OPTC: variants seen among roughly 807,000 people sequenced by gnomAD.
OPTC encodes opticin.
In OPTC, 22 loss-of-function variants were observed where a neutral mutation model predicts 25.4. The observed-to-expected ratio is 0.87, with a 90% CI of 0.62 to 1.24. The LOEUF is 1.24. Among genes scored for constraint, OPTC ranks in the 50% most tolerant of loss-of-function variants. OPTC has a pLI of 0.00. For synonymous variants in OPTC, 169 were observed against 179.3 expected, an observed-to-expected ratio of 0.94 and a Z score of 0.46; for missense variants, 417 against 425.2, an observed-to-expected ratio of 0.98 and a Z score of 0.17.
intron 7 of OPTC, among the ~76,000 whole-genome samples, chr1:203,506,704 A>G (rs1661495597): frequency 6.6e-6 from 1 of 152,194 alleles, no homozygotes; most frequent in Non-Finnish European, 1.5e-5. Flanking sequence ...AACCCTAGTG[A>G]GTAGGGATGC....
rs534112272 is a variant in OPTC, at chr1:203,496,196, A to T, written c.191A>T (p.Asn64Ile). ...TATGGTGAAGTCATTGACCTGAGCAACTATGAGGAGCTCACAGATTATGGG... is the reference window on the plus strand; with the variant it reads ...TATGGTGAAGTCATTGACCTGAGCATCTATGAGGAGCTCACAGATTATGGG... ...DNYGEVIDLSNYEELTDYGDQ... is the reference protein window; with the variant it reads ...DNYGEVIDLSIYEELTDYGDQ... Residue 64 changes from asparagine (N) to isoleucine (I), a missense_variant, in exon 2 of 8, where the codon AAC becomes ATC. Coordinates refer to ENST00000367222, the MANE Select transcript of OPTC (RefSeq NM_014359.4). The T allele has an allele frequency of 1.9e-6, 3 of 1,614,086 alleles. No individual in the cohort carries two copies. Among genetic ancestry groups the T allele is most frequent in the Non-Finnish European group, 2.5e-6 (3 of 1,179,948 alleles).
At chr1:203,505,366 C>T (rs1445494014) in intron 7 of OPTC, among the ~76,000 whole-genome samples, 2 of 152,194 alleles carry the variant, frequency 1.3e-5, no homozygotes, top group African/African-American at 4.8e-5. Flanking sequence ...TCCAGAAGAT[C>T]TTGCACAACT....
intron 7 of OPTC, among the ~76,000 whole-genome samples, chr1:203,505,598 T>A (rs1333870023): frequency 1.3e-5 from 2 of 152,184 alleles, no homozygotes; most frequent in Admixed American, 1.3e-4. Context: ...ATTCACATTC[T>A]TCAGATGGAG....
intron 5 of OPTC, among the ~76,000 whole-genome samples, chr1:203,501,822 G>C (rs1394752301): frequency 1.3e-5 from 2 of 152,044 alleles, no homozygotes; most frequent in Non-Finnish European, 2.9e-5. Context: ...CGTGACCCCG[G>C]GCCTCAGTTT....
chr1:203,499,571 G>A lies in OPTC; in HGVS notation c.530-78G>A, dbSNP rs567012734. On this transcript the variant is annotated intron_variant, in intron 4 of 7. Transcript: ENST00000367222. The stretch of plus-strand genomic sequence containing the variant: ...CATCTTGAGAGGGATGGAGCAAGGT[G>A]TGGAGACAGCTCCAACCTGGACAAG... 8.4e-5 allele frequency: 101 copies of A among 1,203,398 alleles called. No homozygotes were observed. The African/African-American group carries it at 1.4e-3, about 17-fold the overall frequency. 74.5% of individuals were successfully genotyped at this position (1,203,398 alleles called of 1,614,324 possible).
chr1:203,500,354 C>T (rs1275264386), intron 5 of OPTC, among the ~76,000 whole-genome samples: 2 of 116,888 alleles, frequency 1.7e-5, no homozygotes, highest in African/African-American at 6.9e-5. Flanking sequence ...CACCACCCAC[C>T]TCCACCTCTG....
chr1:203,500,491 G>GCAC (rs1571599099), intron 5 of OPTC, among the ~76,000 whole-genome samples: 1 of 137,504 alleles, frequency 7.3e-6, no homozygotes, highest in African/African-American at 3.0e-5. Context: ...CTACCCACCT[G>GCAC]TACCACCCAC....
intron 5 of OPTC, among the ~76,000 whole-genome samples, chr1:203,502,594 G>A (rs1225219174): frequency 5.3e-5 from 8 of 152,150 alleles, no homozygotes; most frequent in Non-Finnish European, 1.2e-4. Context: ...AATGTCCCCT[G>A]GTCCTCCCTT....
chr1:203,503,426 T>C, intron 6 of OPTC, 124 bp from the exon 7 acceptor site: 1 of 975,910 alleles, frequency 1.0e-6, no homozygotes, highest in Non-Finnish European at 1.6e-6. Context: ...TGGCCCTAGA[T>C]GCTTCAGTTT....
rs191508318 is a variant in OPTC, at chr1:203,495,950, G to A, written c.-41-15G>A. 3.4e-5 allele frequency: 42 copies of A among 1,241,962 alleles called. No homozygotes were observed. The highest frequency in any genetic ancestry group is 1.6e-4 in the Admixed American group (8 of 51,502). The allele number at this position is 1,241,962 out of a possible 1,614,324, so 76.9% of individuals were successfully genotyped here. A position where few individuals can be genotyped will look rare whatever the true frequency, so the allele number is the denominator to read the frequency against. ...GTCCCTCAGATCGCTGCCCTTCCTC[G>A]TGCCCACTTGCCAGGACCAGCCGCT... On this transcript the variant is annotated splice_polypyrimidine_tract_variant and intron_variant, in intron 1 of 7. Coordinates refer to ENST00000367222, the MANE Select transcript of OPTC (RefSeq NM_014359.4).
intron 7 of OPTC, among the ~76,000 whole-genome samples, chr1:203,506,152 C>CTTTTTTTT (rs1211629662): frequency 7.1e-6 from 1 of 140,586 alleles, no homozygotes; most frequent in African/African-American, 2.6e-5. Context: ...TTTCTTTTTT[C>CTTTTTTTT]TTTTTTTTTT....
intron 7 of OPTC, among the ~76,000 whole-genome samples, chr1:203,504,309 A>G (rs191162643): frequency 1.3e-5 from 2 of 152,290 alleles, no homozygotes; most frequent in African/African-American, 4.8e-5. Context: ...ATATTTCACT[A>G]TTAATCGTGC....
rs1661295810 is a variant in OPTC at position 203,497,245 on chromosome 1, G to A, written c.370+130G>A. The A allele has an allele frequency of 1.3e-5, 12 of 927,424 alleles. 1 individual carries two copies. The Admixed American group carries it at 1.4e-4, about 11-fold the overall frequency. 57.4% of individuals were successfully genotyped at this position (927,424 alleles called of 1,614,324 possible). A position where few individuals can be genotyped will look rare whatever the true frequency, so the allele number is the denominator to read the frequency against. The stretch of plus-strand genomic sequence containing the variant: ...TGGAGGGTCAGGGCTACCCTTACTA[G>A]CAGGGAGAGAAGGGGAAATAGCCAC... On this transcript the variant is annotated intron_variant, in intron 3 of 7. Transcript: ENST00000367222.
chr1:203,496,782 C>T (rs1661287675), intron 2 of OPTC, among the ~76,000 whole-genome samples, 195 bp from the exon 3 acceptor site: 2 of 152,130 alleles, frequency 1.3e-5, no homozygotes, highest in Non-Finnish European at 2.9e-5. Context: ...GTTTCTTCAT[C>T]CATAGGATGG....
At chr1:203,501,303 G>A (rs1261317492) in intron 5 of OPTC, among the ~76,000 whole-genome samples, 1 of 152,188 alleles carries the variant, frequency 6.6e-6, no homozygotes, top group African/African-American at 2.4e-5. Context: ...GTTTCACCAT[G>A]TTGGCCAGGC....
rs772775777 is a variant in OPTC, at chr1:203,508,800, G to A, written c.*180G>A. On this transcript the variant is annotated 3_prime_UTR_variant, in exon 8 of 8. Coordinates refer to ENST00000367222, the MANE Select transcript of OPTC (RefSeq NM_014359.4). The stretch of plus-strand genomic sequence containing the variant: ...GCTCTCACGTCTCCCTTCTCCCTGC[G>A]GGTGACAAAGAAGCCCAAGGACCAC... 2 of 152,078 alleles carry A rather than the reference G, an allele frequency of 1.3e-5. No individual in the cohort carries two copies. The highest frequency in any genetic ancestry group is 2.1e-4 in the South Asian group (1 of 4,820). The allele number at this position is 152,078 out of a possible 1,614,324, so 9.4% of individuals were successfully genotyped here.
chr1:203,507,575 C>T (rs753773970), intron 7 of OPTC, among the ~76,000 whole-genome samples: 3 of 152,184 alleles, frequency 2.0e-5, no homozygotes, highest in Non-Finnish European at 2.9e-5. Context: ...AAGGGGAGTG[C>T]CTCCCTCCTC....
At chr1:203,497,309 G>A (rs559791325) in intron 3 of OPTC, among the ~76,000 whole-genome samples, 194 bp downstream of exon 3, 4 of 152,350 alleles carry the variant, frequency 2.6e-5, no homozygotes, top group Admixed American at 6.5e-5. Context: ...ACTGGCACTG[G>A]CTGTCCCTAA....
At position 203,496,970 on chromosome 1, in the gene OPTC, T is replaced by A; in HGVS notation, c.232-7T>A. 6.2e-7 allele frequency: 1 copy of A among 1,614,038 alleles called. No homozygotes were observed. The highest frequency in any genetic ancestry group is 8.5e-7 in the Non-Finnish European group (1 of 1,180,006). ...GGGCTACTGTGTACTCTGTGCTACATCTCCAGGTTAAGGTGACTAGCCTCG... is the reference window on the plus strand; with the variant it reads ...GGGCTACTGTGTACTCTGTGCTACAACTCCAGGTTAAGGTGACTAGCCTCG... On this transcript the variant is annotated splice_polypyrimidine_tract_variant and splice_region_variant and intron_variant, in intron 2 of 7. Coordinates refer to ENST00000367222, the MANE Select transcript of OPTC (RefSeq NM_014359.4).
Sources: allele counts gnomAD v4.1 joint callset (sites outside exome capture counted in the v4.1 genomes callset), GRCh38; gene constraint gnomAD v4.1.1; transcripts MANE v1.5; gene names NCBI Gene and HGNC (gene_info 2026-07-23, HGNC 2026-07-21).